Variants in CSMD1 observed in about 807,000 individuals in gnomAD.
CSMD1 encodes CUB and sushi domain-containing protein 1.
A neutral mutation model predicts 417.5 loss-of-function variants in CSMD1; 213 were observed. The ratio of observed to expected loss-of-function variants is 0.51; its 90% CI spans 0.46 to 0.57. The LOEUF (loss-of-function observed/expected upper bound fraction) is 0.57, where lower values mean the gene tolerates loss of function less well. Ranked by LOEUF, CSMD1 falls within the 20% of genes least tolerant of loss-of-function variation. CSMD1 has a pLI of 0.00. For missense variants in CSMD1, 6,923 were observed against 4,529.7 expected, an observed-to-expected ratio of 1.53 and a Z score of -15.17; for synonymous variants, 2,862 against 1,736.8, an observed-to-expected ratio of 1.65 and a Z score of -16.11.
At chr8:4,199,704 C>A (rs1442490517) in intron 3 of CSMD1, among the ~76,000 whole-genome samples, 2 of 152,112 alleles carry the variant, frequency 1.3e-5, no homozygotes, top group East Asian at 3.9e-4. Context: ...TATTGTTAAT[C>A]CAGTGCCATT....
chr8:4,459,338 C>G (rs1585112693), intron 2 of CSMD1, among the ~76,000 whole-genome samples: 1 of 152,182 alleles, frequency 6.6e-6, no homozygotes, highest in African/African-American at 2.4e-5. Context: ...CAAACCAAGA[C>G]AATCAAGCTC....
At chr8:4,326,598 A>G (rs774287050) in intron 3 of CSMD1, among the ~76,000 whole-genome samples, 12 of 152,206 alleles carry the variant, frequency 7.9e-5, no homozygotes, top group African/African-American at 1.4e-4. Flanking sequence ...TTTCTCTCCT[A>G]CGGAGAAAAC....
chr8:3,163,234 A>T (rs2129040761), intron 37 of CSMD1, among the ~76,000 whole-genome samples: 3 of 152,332 alleles, frequency 2.0e-5, no homozygotes, highest in South Asian at 4.1e-4. Context: ...ATGAAGAAAT[A>T]GTGGAGAAAG....
At chr8:3,768,834 T>C (rs577612076) in intron 5 of CSMD1, among the ~76,000 whole-genome samples, 2 of 152,204 alleles carry the variant, frequency 1.3e-5, no homozygotes, top group Non-Finnish European at 2.9e-5. Flanking sequence ...CCTTGGTGGA[T>C]AGTCTAAAAG....
chr8:3,808,514 A>T (rs368923604), intron 5 of CSMD1, among the ~76,000 whole-genome samples: 2 of 152,174 alleles, frequency 1.3e-5, no homozygotes, highest in African/African-American at 4.8e-5. Flanking sequence ...GACTAAGAGC[A>T]TGCTACCGTG....
intron 41 of CSMD1, among the ~76,000 whole-genome samples, chr8:3,120,516 T>C (rs530867550): frequency 8.5e-5 from 13 of 152,088 alleles, no homozygotes; most frequent in Non-Finnish European, 1.9e-4. Context: ...TTTCTCCTAT[T>C]TAATAAACTA....
chr8:4,365,030 A>T (rs979471517), intron 3 of CSMD1, among the ~76,000 whole-genome samples: 3 of 152,282 alleles, frequency 2.0e-5, no homozygotes, highest in South Asian at 4.1e-4. Context: ...TTTATGAAAT[A>T]TGTTCTCTTT....
chr8:4,615,106 A>G (rs1164581116), intron 2 of CSMD1, among the ~76,000 whole-genome samples: 1 of 152,184 alleles, frequency 6.6e-6, no homozygotes, highest in Non-Finnish European at 1.5e-5. Flanking sequence ...TACCTCTGTA[A>G]CTGCATGACA....
chr8:4,897,424 G>A (rs987807638), intron 1 of CSMD1, among the ~76,000 whole-genome samples: 3 of 152,056 alleles, frequency 2.0e-5, no homozygotes, highest in African/African-American at 7.3e-5. Context: ...GACTTACCAA[G>A]AAAACAAGTG....
chr8:3,609,753 C>G (rs1322551511), intron 8 of CSMD1, among the ~76,000 whole-genome samples: 1 of 143,336 alleles, frequency 7.0e-6, no homozygotes, highest in South Asian at 2.2e-4. Context: ...AAAAAAAAAC[C>G]GAATTACCTT....
At chr8:4,262,755 C>T (rs1240816107) in intron 3 of CSMD1, among the ~76,000 whole-genome samples, 1 of 152,194 alleles carries the variant, frequency 6.6e-6, no homozygotes, top group Non-Finnish European at 1.5e-5. Flanking sequence ...TTCTTTACTT[C>T]CTTGCAAACT....
At chr8:3,977,576 C>G (rs11997340) in intron 5 of CSMD1, among the ~76,000 whole-genome samples, 4 of 151,970 alleles carry the variant, frequency 2.6e-5, no homozygotes, top group Non-Finnish European at 4.4e-5. Context: ...GACTCTGGCA[C>G]AAAGCCCCAT....
intron 68 of CSMD1, among the ~76,000 whole-genome samples, chr8:2,946,784 A>G (rs1563170329): frequency 1.3e-5 from 2 of 152,186 alleles, no homozygotes; most frequent in African/African-American, 2.4e-5. Flanking sequence ...TTAAGTAACA[A>G]CTGTTTGATG....
At chr8:3,283,099 T>A (rs1197253425) in intron 26 of CSMD1, among the ~76,000 whole-genome samples, 2 of 152,176 alleles carry the variant, frequency 1.3e-5, no homozygotes, top group Non-Finnish European at 2.9e-5. Flanking sequence ...GAGATTATAG[T>A]TCACGTGTGC....
chr8:4,797,840 G>A (rs1350789617), intron 1 of CSMD1, among the ~76,000 whole-genome samples: 2 of 152,114 alleles, frequency 1.3e-5, no homozygotes, highest in Non-Finnish European at 2.9e-5. Flanking sequence ...ATTATCAAGA[G>A]AAACCATATA....
chr8:3,171,293 A>G (rs1446422526), intron 37 of CSMD1, among the ~76,000 whole-genome samples: 1 of 152,228 alleles, frequency 6.6e-6, no homozygotes, highest in Non-Finnish European at 1.5e-5. Context: ...CAGGAAGTAA[A>G]GAATAGACAA....
chr8:4,967,125 G>C (rs912402809), intron 1 of CSMD1, among the ~76,000 whole-genome samples: 1 of 151,954 alleles, frequency 6.6e-6, no homozygotes, highest in Non-Finnish European at 1.5e-5. Flanking sequence ...AAAAAATCAG[G>C]GTTCATTCAA....
chr8:4,719,801 T>G (rs1215709266), intron 1 of CSMD1, among the ~76,000 whole-genome samples: 1 of 152,190 alleles, frequency 6.6e-6, no homozygotes, highest in East Asian at 1.9e-4. Context: ...GAGCTTGAAC[T>G]ATTGCTGCCT....
intron 3 of CSMD1, among the ~76,000 whole-genome samples, chr8:4,068,550 C>G (rs1170318895): frequency 6.6e-6 from 1 of 152,130 alleles, no homozygotes; most frequent in Admixed American, 6.5e-5. Context: ...AAAATGTATC[C>G]TCTGGAGGCC....
Sources: allele counts gnomAD v4.1 joint callset (sites outside exome capture counted in the v4.1 genomes callset), GRCh38; gene constraint gnomAD v4.1.1; transcripts MANE v1.5; gene names NCBI Gene and HGNC (gene_info 2026-07-23, HGNC 2026-07-21).